Variants in PACS1 observed in about 807,000 individuals in gnomAD.
PACS1 encodes phosphofurin acidic cluster sorting protein 1.
PACS1 carries 24 observed loss-of-function variants against 115.0 expected under a neutral mutation model. The ratio of observed to expected loss-of-function variants is 0.21; its 90% CI spans 0.15 to 0.29. PACS1 has a LOEUF of 0.29. Ranked by LOEUF, PACS1 falls within the 10% of genes least tolerant of loss-of-function variation. The pLI is 1.00. For missense variants in PACS1, 838 were observed against 1,251.2 expected (o/e 0.67, Z 4.98); for synonymous variants, 453 against 504.5 (o/e 0.90, Z 1.37).
chr11:66,158,281 A>G (rs1023451447), intron 1 of PACS1, among the ~76,000 whole-genome samples: 4 of 152,222 alleles, frequency 2.6e-5, no homozygotes, highest in African/African-American at 9.6e-5. Flanking sequence ...CACTTTGAAA[A>G]ACAAATTCCT....
At chr11:66,181,650 T>C (rs57678007) in intron 1 of PACS1, among the ~76,000 whole-genome samples, 40,328 of 152,172 alleles carry the variant, frequency 0.27, 6,074 homozygotes, top group South Asian at 0.46. Context: ...ATATTTCTTG[T>C]CTTAGGAGTC....
At chr11:66,120,912 G>A (rs1858422771) in intron 1 of PACS1, 64 of 420,280 alleles carry the variant, frequency 1.5e-4, no homozygotes, top group South Asian at 1.0e-3. Flanking sequence ...AGTCCCCCTT[G>A]CCCCAGCCCT....
intron 4 of PACS1, among the ~76,000 whole-genome samples, chr11:66,213,303 C>A (rs1434366833): frequency 6.6e-6 from 1 of 152,198 alleles, no homozygotes; most frequent in Non-Finnish European, 1.5e-5. Context: ...TCAGATTTGG[C>A]CCATGGGAGC....
At chr11:66,088,230 G>T (rs1490990897) in intron 1 of PACS1, among the ~76,000 whole-genome samples, 1 of 151,702 alleles carries the variant, frequency 6.6e-6, no homozygotes, top group Admixed American at 6.6e-5. Context: ...TCTTTCAGTG[G>T]TGTCTTTCAA....
chr11:66,132,910 T>C (rs923982167), intron 1 of PACS1, among the ~76,000 whole-genome samples: 1 of 152,190 alleles, frequency 6.6e-6, no homozygotes, highest in African/African-American at 2.4e-5. Flanking sequence ...TCAAGTGATC[T>C]CCCTGCCTTG....
chr11:66,148,476 T>C (rs1017203232), intron 1 of PACS1, among the ~76,000 whole-genome samples: 3 of 152,234 alleles, frequency 2.0e-5, no homozygotes. Context: ...TTTAGTCCTT[T>C]TGACTTAGCA....
chr11:66,120,543 A>G (rs1590758053), intron 1 of PACS1, among the ~76,000 whole-genome samples: 1 of 152,236 alleles, frequency 6.6e-6, no homozygotes, highest in Admixed American at 6.5e-5. Flanking sequence ...ATGCAATTAT[A>G]TGAGATCATA....
chr11:66,127,756 G>C (rs951176794), intron 1 of PACS1, among the ~76,000 whole-genome samples: 5 of 152,130 alleles, frequency 3.3e-5, no homozygotes, highest in Non-Finnish European at 5.9e-5. Context: ...AGATTAAATC[G>C]TCCTAATACT....
Position 66,233,154 on chromosome 11 carries a change from T to G in PACS1, c.1838+88T>G. On this transcript the variant is annotated intron_variant, in intron 15 of 23. Coordinates refer to ENST00000320580, the MANE Select transcript of PACS1 (RefSeq NM_018026.4). The surrounding 1 kb of genome is among the most constrained non-coding windows in gnomAD (Gnocchi z 4.5). ...CTGACTTCTAAGCAATGATAGACCC[T>G]CCTGGCCTCATCAGACCAAGAATTT... is the stretch of plus-strand genomic sequence containing the variant. The G allele has an allele frequency of 1.0e-6, 1 of 1,004,246 alleles. No homozygotes were observed. Among genetic ancestry groups the G allele is most frequent in the East Asian group, 2.4e-5 (1 of 41,050 alleles). The allele number at this position is 1,004,246 out of a possible 1,614,324, so 62.2% of individuals were successfully genotyped here. A position where few individuals can be genotyped will look rare whatever the true frequency, so the allele number is the denominator to read the frequency against.
intron 4 of PACS1, among the ~76,000 whole-genome samples, chr11:66,214,189 A>G (rs1028957275): frequency 1.3e-5 from 2 of 152,190 alleles, no homozygotes; most frequent in African/African-American, 4.8e-5. Flanking sequence ...ACTTTAGTAA[A>G]TTAAATAGGA....
chr11:66,188,316 G>C (rs368083762), intron 1 of PACS1, among the ~76,000 whole-genome samples: 14 of 151,976 alleles, frequency 9.2e-5, no homozygotes, highest in African/African-American at 3.4e-4. Flanking sequence ...GAACGTTCTT[G>C]TACCTGTCTT....
chr11:66,087,434 G>A (rs879414473), intron 1 of PACS1, among the ~76,000 whole-genome samples: 1 of 152,176 alleles, frequency 6.6e-6, no homozygotes. Context: ...GTAGAGGAAG[G>A]GTTTCACCAT....
chr11:66,146,037 A>T (rs565198), intron 1 of PACS1, among the ~76,000 whole-genome samples: 97,243 of 152,012 alleles, frequency 0.64, 33,706 homozygotes, highest in Non-Finnish European at 0.76. Flanking sequence ...ACAATATATT[A>T]TCTAAAACAT....
chr11:66,163,730 A>C (rs1000986310), intron 1 of PACS1, among the ~76,000 whole-genome samples: 1 of 152,118 alleles, frequency 6.6e-6, no homozygotes, highest in Non-Finnish European at 1.5e-5. Context: ...TCTAAGGATT[A>C]TTTTGTTTTC....
intron 1 of PACS1, among the ~76,000 whole-genome samples, chr11:66,162,198 C>T (rs1051475589): frequency 1.4e-4 from 21 of 146,238 alleles, no homozygotes; most frequent in African/African-American, 4.8e-4. Context: ...CTCAGCTCAC[C>T]GCAACCTCTG....
Position 66,235,788 on chromosome 11 carries a change from C to A in PACS1, c.2208-110C>A. 1 of 937,842 alleles carries A rather than the reference C, an allele frequency of 1.1e-6. No individual in the cohort carries two copies. Among genetic ancestry groups the A allele is most frequent in the Non-Finnish European group, 1.8e-6 (1 of 564,518 alleles). The allele number at this position is 937,842 out of a possible 1,614,324, so 58.1% of individuals were successfully genotyped here. On this transcript the variant is annotated intron_variant, in intron 18 of 23. Transcript: ENST00000320580. The surrounding 1 kb of genome is among the most constrained non-coding windows in gnomAD (Gnocchi z 5.6). ...CCAGGATGTGATGGGCAGAGGCAGC[C>A]CAGCATCCTGGACTCTGCTGCAGCC... is the stretch of plus-strand genomic sequence containing the variant.
chr11:66,207,040 G>A (rs548370682), intron 2 of PACS1, among the ~76,000 whole-genome samples: 6 of 152,280 alleles, frequency 3.9e-5, no homozygotes, highest in Non-Finnish European at 8.8e-5. Context: ...GTCTCGTTTC[G>A]TCTGTGTCCC....
intron 1 of PACS1, 99 bp from the exon 2 acceptor site, chr11:66,193,387 A>T: frequency 1.3e-6 from 1 of 756,392 alleles, no homozygotes; most frequent in South Asian, 1.6e-5. Flanking sequence ...GCGTTCTCAC[A>T]TTCTTACTTC....
intron 1 of PACS1, among the ~76,000 whole-genome samples, chr11:66,168,478 C>A (rs1859659430): frequency 6.7e-6 from 1 of 150,278 alleles, no homozygotes; most frequent in South Asian, 2.1e-4. Context: ...GGCTTCGGAA[C>A]CAGGCTGCCT....
Sources: allele counts gnomAD v4.1 joint callset (sites outside exome capture counted in the v4.1 genomes callset), GRCh38; gene constraint gnomAD v4.1.1; non-coding constraint Gnocchi (gnomAD v3.1); transcripts MANE v1.5; gene names NCBI Gene and HGNC (gene_info 2026-07-23, HGNC 2026-07-21).